DSCAML1: variants seen among roughly 807,000 people sequenced by gnomAD.
The protein encoded by DSCAML1 is DS cell adhesion molecule like 1.
In DSCAML1, 38 loss-of-function variants were observed where a neutral mutation model predicts 200.5. The ratio of observed to expected loss-of-function variants is 0.19; its 90% CI spans 0.15 to 0.25. DSCAML1 has a LOEUF of 0.25. DSCAML1 is among the 10% of genes least tolerant of loss of function. DSCAML1 has a pLI of 1.00. For missense variants in DSCAML1, 2,223 were observed against 2,858.8 expected, an observed-to-expected ratio of 0.78 and a Z score of 5.07; for synonymous variants, 1,215 against 1,165.0, an observed-to-expected ratio of 1.04 and a Z score of -0.87.
chr11:117,810,504 C>T (rs553227828), intron 1 of DSCAML1, among the ~76,000 whole-genome samples: 228 of 152,220 alleles, frequency 1.5e-3, no homozygotes, highest in Non-Finnish European at 2.3e-3. Context: ...ACCCCCACCC[C>T]CTTCTCCGTA....
At chr11:117,807,030 A>ACTTT (rs1442975634) in intron 1 of DSCAML1, among the ~76,000 whole-genome samples, 3 of 152,162 alleles carry the variant, frequency 2.0e-5, no homozygotes. Flanking sequence ...CAATCACAAT[A>ACTTT]CTTTTTGCCT....
chr11:117,701,904 C>T (rs1225444056), intron 3 of DSCAML1, among the ~76,000 whole-genome samples: 1 of 152,212 alleles, frequency 6.6e-6, no homozygotes, highest in Non-Finnish European at 1.5e-5. Context: ...ACGTGGGGCA[C>T]ACAGTGCCGG....
At chr11:117,757,540 G>T (rs1046199888) in intron 3 of DSCAML1, among the ~76,000 whole-genome samples, 4 of 150,096 alleles carry the variant, frequency 2.7e-5, no homozygotes, top group African/African-American at 7.4e-5. Flanking sequence ...AAGATGTATA[G>T]AGCATACGCA....
At chr11:117,500,943 G>A (rs1418069431) in intron 11 of DSCAML1, among the ~76,000 whole-genome samples, 3 of 152,144 alleles carry the variant, frequency 2.0e-5, no homozygotes, top group East Asian at 3.9e-4. Flanking sequence ...AAACTTTCCC[G>A]AGTGTATTAG....
intron 3 of DSCAML1, among the ~76,000 whole-genome samples, chr11:117,623,255 A>T (rs1488793085): frequency 1.7e-5 from 2 of 118,946 alleles, no homozygotes; most frequent in African/African-American, 6.5e-5. Context: ...TTGCTCTGTC[A>T]CTCAGGCTGG....
At chr11:117,462,888 CCT>C (rs2048508177) in intron 17 of DSCAML1, among the ~76,000 whole-genome samples, 1 of 152,222 alleles carries the variant, frequency 6.6e-6, no homozygotes. Flanking sequence ...TTTCTTCTCC[CCT>C]CTCCTCTGTT....
rs2055223857 is a variant in DSCAML1, at chr11:117,780,288, G to GAA, written c.364+203_364+204dup. Reference sequence around the variant, plus strand: ...AGAAAGAAAGAAAGAAAGAAAGAAAGAAAGAAAGAAAGAAAGAGAGAAAGG... The same window carrying GAA: ...AGAAAGAAAGAAAGAAAGAAAGAAAGAAAAAGAAAGAAAGAAAGAGAGAAAGG... On this transcript the variant is annotated intron_variant, in intron 2 of 32. Transcript: ENST00000651296. The surrounding 1 kb of genome is among the most constrained non-coding windows in gnomAD (Gnocchi z 4.8). 2.0e-5 allele frequency among the ~76,000 whole-genome samples: 2 copies of GAA among 97,638 alleles called. No homozygotes were observed. Among genetic ancestry groups the GAA allele is most frequent in the African/African-American group, 6.4e-5 (2 of 31,476 alleles). The allele number at this position is 97,638 out of a possible 152,430, so 64.1% of individuals were successfully genotyped here.
chr11:117,488,200 A>G (rs959540705), intron 11 of DSCAML1, among the ~76,000 whole-genome samples: 3 of 152,176 alleles, frequency 2.0e-5, no homozygotes, highest in Admixed American at 6.5e-5. Flanking sequence ...GCCTCCAAGG[A>G]CCACGGTGTC....
rs1158739378 is a variant in DSCAML1, at chr11:117,599,680, T to C, written c.512-67158A>G. ...CTGTGCTTTCTTCATTAACATGGAC[T>C]CCACTCCAGGATTCAACTCAGTAAG... On this transcript the variant is annotated intron_variant, in intron 3 of 32. Coordinates refer to ENST00000651296, the MANE Select transcript of DSCAML1 (RefSeq NM_020693.4). Among the ~76,000 whole-genome samples, 6 of 152,280 alleles carry C rather than the reference T, an allele frequency of 3.9e-5. No individual in the cohort carries two copies. In the East Asian group the frequency reaches 1.2e-3, roughly 29 times the overall value.
At chr11:117,635,853 C>T (rs955015356) in intron 3 of DSCAML1, among the ~76,000 whole-genome samples, 1 of 152,108 alleles carries the variant, frequency 6.6e-6, no homozygotes, top group Non-Finnish European at 1.5e-5. Context: ...AATCAGGTTA[C>T]AATCGTGGAT....
chr11:117,488,971 G>C (rs766357332), intron 11 of DSCAML1, among the ~76,000 whole-genome samples: 1 of 152,246 alleles, frequency 6.6e-6, no homozygotes, highest in African/African-American at 2.4e-5. Context: ...AGCAGGCCCT[G>C]AGCTGGATGC....
chr11:117,622,660 A>G (rs1224001333), intron 3 of DSCAML1, among the ~76,000 whole-genome samples: 1 of 152,156 alleles, frequency 6.6e-6, no homozygotes, highest in African/African-American at 2.4e-5. Context: ...TCAGTTCTGA[A>G]GGACCAGAGC....
At chr11:117,565,844 T>G (rs1481030628) in intron 3 of DSCAML1, among the ~76,000 whole-genome samples, 1 of 152,208 alleles carries the variant, frequency 6.6e-6, no homozygotes, top group Non-Finnish European at 1.5e-5. Flanking sequence ...GTAGGGGGTG[T>G]GACCAGATCA....
chr11:117,682,819 G>GAGGA (rs1178594745), intron 3 of DSCAML1, among the ~76,000 whole-genome samples: 7 of 152,178 alleles, frequency 4.6e-5, no homozygotes, highest in Admixed American at 2.0e-4. Context: ...TGGCTGGAGG[G>GAGGA]AGGAAGGAAG....
chr11:117,686,294 T>G (rs934591144), intron 3 of DSCAML1, among the ~76,000 whole-genome samples: 11 of 152,216 alleles, frequency 7.2e-5, no homozygotes, highest in Non-Finnish European at 1.3e-4. Flanking sequence ...TGCGGTCAAG[T>G]GCTCATACCG....
At chr11:117,706,012 C>G (rs933649198) in intron 3 of DSCAML1, among the ~76,000 whole-genome samples, 2 of 152,124 alleles carry the variant, frequency 1.3e-5, no homozygotes, top group Non-Finnish European at 2.9e-5. Context: ...GAATATAAGC[C>G]CATTCCATTC....
Position 117,437,050 on chromosome 11 carries a change from G to A in DSCAML1, c.4720+72C>T, listed in dbSNP as rs2047931928. 4 of 1,530,910 alleles carry A rather than the reference G, an allele frequency of 2.6e-6. No homozygotes were observed. Among genetic ancestry groups the A allele is most frequent in the Admixed American group, 3.7e-5 (2 of 53,992 alleles). 94.8% of individuals were successfully genotyped at this position (1,530,910 alleles called of 1,614,324 possible). On this transcript the variant is annotated intron_variant, in intron 26 of 32. Transcript: ENST00000651296. This position sits in a 1 kb window ranked among gnomAD's most constrained non-coding sequence, Gnocchi z 5.3. ...TATTAGTCTGTCTCTTTATGTATCT[G>A]CCACTCTGCCCACTTCCTTCGCACC... is the stretch of plus-strand genomic sequence containing the variant.
At chr11:117,746,307 T>C (rs761666576) in intron 3 of DSCAML1, among the ~76,000 whole-genome samples, 1 of 148,300 alleles carries the variant, frequency 6.7e-6, no homozygotes, top group Non-Finnish European at 1.5e-5. Flanking sequence ...ATTTTGCAAA[T>C]GTGTTAGGTG....
chr11:117,623,206 C>CT (rs2051972851), intron 3 of DSCAML1, among the ~76,000 whole-genome samples: 1 of 112,882 alleles, frequency 8.9e-6, no homozygotes, highest in Non-Finnish European at 1.8e-5. Context: ...TTTCTTTTTT[C>CT]TTTTCTTTTC....
Sources: allele counts gnomAD v4.1 joint callset (sites outside exome capture counted in the v4.1 genomes callset), GRCh38; gene constraint gnomAD v4.1.1; non-coding constraint Gnocchi (gnomAD v3.1); transcripts MANE v1.5; gene names NCBI Gene and HGNC (gene_info 2026-07-23, HGNC 2026-07-21).